Variants in PARP8 observed in about 807,000 individuals in gnomAD.
PARP8 encodes protein mono-ADP-ribosyltransferase PARP8.
A neutral mutation model predicts 124.1 loss-of-function variants in PARP8; 51 were observed. The ratio of observed to expected loss-of-function variants is 0.41; its 90% CI spans 0.33 to 0.52. The LOEUF (loss-of-function observed/expected upper bound fraction) is 0.52, where lower values mean the gene tolerates loss of function less well. PARP8 is among the 20% of genes least tolerant of loss of function. The pLI is 0.21. For missense variants in PARP8, 860 were observed against 1,018.9 expected, an observed-to-expected ratio of 0.84 and a Z score of 2.12; for synonymous variants, 391 against 361.5, an observed-to-expected ratio of 1.08 and a Z score of -0.93.
intron 3 of PARP8, among the ~76,000 whole-genome samples, chr5:50,753,930 T>A (rs1759531912): frequency 6.6e-6 from 1 of 151,078 alleles, no homozygotes; most frequent in Non-Finnish European, 1.5e-5. Context: ...GGTAATGCTT[T>A]GCATAGTGTT....
At chr5:50,718,890 G>A (rs747412299) in intron 2 of PARP8, among the ~76,000 whole-genome samples, 1 of 151,904 alleles carries the variant, frequency 6.6e-6, no homozygotes, top group Admixed American at 6.6e-5. Context: ...TCTGAGGAAC[G>A]TCTGTACTCT....
At chr5:50,697,712 G>A (rs1001795891) in intron 2 of PARP8, among the ~76,000 whole-genome samples, 3 of 152,090 alleles carry the variant, frequency 2.0e-5, no homozygotes, top group Non-Finnish European at 4.4e-5. Flanking sequence ...GTCTTGCTTT[G>A]TTGTCCAGGC....
At chr5:50,701,604 A>G (rs771422635) in intron 2 of PARP8, among the ~76,000 whole-genome samples, 1 of 152,132 alleles carries the variant, frequency 6.6e-6, no homozygotes, top group Non-Finnish European at 1.5e-5. Context: ...GACTAATAAG[A>G]TTGGTTCTTT....
chr5:50,730,494 C>G (rs1469574916), intron 2 of PARP8, among the ~76,000 whole-genome samples: 1 of 152,142 alleles, frequency 6.6e-6, no homozygotes, highest in Non-Finnish European at 1.5e-5. Context: ...ATTATGAGAA[C>G]AGCAGCATCG....
At chr5:50,828,578 A>T (rs770970344) in intron 21 of PARP8, among the ~76,000 whole-genome samples, 194 bp downstream of exon 21, 1 of 152,080 alleles carries the variant, frequency 6.6e-6, no homozygotes, top group Non-Finnish European at 1.5e-5. Flanking sequence ...AATGGATCAC[A>T]CAATGAAAAG....
At chr5:50,763,331 G>A in intron 7 of PARP8, 89 bp downstream of exon 7, 3 of 965,072 alleles carry the variant, frequency 3.1e-6, no homozygotes, top group Non-Finnish European at 3.2e-6. Flanking sequence ...AAAAATTTGG[G>A]GTTTTAATTG....
Position 50,845,244 on chromosome 5 carries a change from T to G in PARP8, c.*3176T>G, listed in dbSNP as rs1561463990. ...CAGTACTTTGTATAATAAAAATATTTTTTAAACTATAACTTGCCTTAGAGC... is the reference window on the plus strand; with the variant it reads ...CAGTACTTTGTATAATAAAAATATTGTTTAAACTATAACTTGCCTTAGAGC... On this transcript the variant is annotated 3_prime_UTR_variant, in exon 26 of 26. Coordinates refer to ENST00000281631, the MANE Select transcript of PARP8 (RefSeq NM_024615.4). The G allele has an allele frequency of 1.3e-5, 2 of 151,762 alleles. No individual in the cohort carries two copies. Among genetic ancestry groups the G allele is most frequent in the African/African-American group, 2.4e-5 (1 of 41,382 alleles). 9.4% of individuals were successfully genotyped at this position (151,762 alleles called of 1,614,324 possible). A position where few individuals can be genotyped will look rare whatever the true frequency, so the allele number is the denominator to read the frequency against.
intron 7 of PARP8, among the ~76,000 whole-genome samples, chr5:50,769,787 G>T (rs561892377): frequency 2.0e-5 from 3 of 151,942 alleles, no homozygotes; most frequent in Non-Finnish European, 4.4e-5. Context: ...ATACATGGAA[G>T]AGACTGGAAT....
chr5:50,720,667 A>G (rs1436636132), intron 2 of PARP8, among the ~76,000 whole-genome samples: 1 of 152,040 alleles, frequency 6.6e-6, no homozygotes, highest in East Asian at 1.9e-4. Flanking sequence ...AGTGCACCAT[A>G]TTCTAAGCTA....
At chr5:50,798,750 T>C (rs1742853236) in intron 14 of PARP8, among the ~76,000 whole-genome samples, 2 of 152,160 alleles carry the variant, frequency 1.3e-5, no homozygotes, top group Non-Finnish European at 2.9e-5. Flanking sequence ...CGAAGCAGTT[T>C]CTTATTGTGG....
intron 2 of PARP8, among the ~76,000 whole-genome samples, chr5:50,670,232 A>T (rs528179723): frequency 1.3e-5 from 2 of 152,310 alleles, no homozygotes; most frequent in South Asian, 4.1e-4. Context: ...TAATAGTATC[A>T]TTTTAGGTGA....
chr5:50,750,021 T>C, intron 2 of PARP8, 130 bp from the exon 3 acceptor site: 1 of 717,418 alleles, frequency 1.4e-6, no homozygotes, highest in Non-Finnish European at 2.4e-6. Context: ...TAATCTGTTT[T>C]GGAAGTTTCC....
chr5:50,717,957 CTA>C (rs1755492298), intron 2 of PARP8, among the ~76,000 whole-genome samples: 1 of 151,394 alleles, frequency 6.6e-6, no homozygotes, highest in Non-Finnish European at 1.5e-5. Context: ...AAAATGGAAA[CTA>C]AAAAAATGGA....
intron 2 of PARP8, among the ~76,000 whole-genome samples, chr5:50,726,245 C>T (rs1387512167): frequency 6.6e-6 from 1 of 151,828 alleles, no homozygotes; most frequent in Non-Finnish European, 1.5e-5. Flanking sequence ...TCTGTTTCCT[C>T]GACTATACAA....
At position 50,666,788 on chromosome 5, in the gene PARP8, G is replaced by A. The variant is rs1749325733; in HGVS notation, c.-308G>A. 1 of 1,016,034 alleles carries A rather than the reference G, an allele frequency of 9.8e-7. No individual in the cohort carries two copies. Among genetic ancestry groups the A allele is most frequent in the Non-Finnish European group, 1.2e-6 (1 of 800,794 alleles). The allele number at this position is 1,016,034 out of a possible 1,614,324, so 62.9% of individuals were successfully genotyped here. ...CGGCCGTTGGTCCGGGCGGGTGAGGGAGAAAGTGAGACTTGGTGTCATCAC... is the reference window on the plus strand; with the variant it reads ...CGGCCGTTGGTCCGGGCGGGTGAGGAAGAAAGTGAGACTTGGTGTCATCAC... On this transcript the variant is annotated 5_prime_UTR_variant, in exon 1 of 26. Transcript: ENST00000281631.
intron 2 of PARP8, among the ~76,000 whole-genome samples, chr5:50,696,883 A>G (rs1753087615): frequency 6.6e-6 from 1 of 152,050 alleles, no homozygotes; most frequent in Admixed American, 6.5e-5. Context: ...CCTCTGTAAC[A>G]TTGGACTTAA....
chr5:50,804,340 G>A (rs1251374756), intron 14 of PARP8, among the ~76,000 whole-genome samples: 3 of 152,086 alleles, frequency 2.0e-5, no homozygotes, highest in East Asian at 1.9e-4. Flanking sequence ...AATCAGTTCC[G>A]TTCTGCTCCC....
At chr5:50,814,668 C>G (rs1744885346) in intron 14 of PARP8, among the ~76,000 whole-genome samples, 1 of 152,100 alleles carries the variant, frequency 6.6e-6, no homozygotes, top group Non-Finnish European at 1.5e-5. Context: ...ACCAAGTTGG[C>G]CTCTGAAAGA....
intron 2 of PARP8, among the ~76,000 whole-genome samples, chr5:50,743,143 T>C (rs1379569743): frequency 6.6e-6 from 1 of 152,006 alleles, no homozygotes; most frequent in African/African-American, 2.4e-5. Flanking sequence ...GGTGAGCTAG[T>C]GGTAGGGAAA....
Sources: gnomAD v4.1 joint callset for allele counts (sites outside exome capture counted in the v4.1 genomes callset) on GRCh38, gnomAD v4.1.1 for gene constraint, MANE v1.5 for transcripts, NCBI Gene and HGNC (gene_info 2026-07-23, HGNC 2026-07-21) for gene names.